The following AKAP6 variants were observed in gnomAD, a reference collection of about 807,000 sequenced individuals.
AKAP6 encodes A-kinase anchor protein 6.
Under a neutral mutation model 188.5 loss-of-function variants are expected in AKAP6, and 58 were observed. That is an observed-to-expected ratio of 0.31 (90% CI 0.25 to 0.38). AKAP6 has a LOEUF of 0.38. Among genes scored for constraint, AKAP6 ranks in the 10% least tolerant of loss-of-function variants. AKAP6 has a pLI of 1.00. For missense variants in AKAP6, 2,710 were observed against 2,740.0 expected (o/e 0.99, Z 0.24); for synonymous variants, 989 against 998.6 (o/e 0.99, Z 0.18).
chr14:32,786,487 A>T (rs2033424501), intron 12 of AKAP6, among the ~76,000 whole-genome samples: 11 of 102,668 alleles, frequency 1.1e-4, no homozygotes, highest in East Asian at 6.5e-4. Flanking sequence ...ATTTTATTTT[A>T]TTTTATTTTT....
Position 32,823,294 on chromosome 14 carries a change from C to T in AKAP6, c.5481C>T (p.Gly1827=), listed in dbSNP as rs1378906237. The T allele has an allele frequency of 6.2e-7, 1 of 1,613,674 alleles. No homozygotes were observed. The part of the protein sequence containing the change: ...KRCNVSDEMK[G]SKDISSSEMT... ...GCAATGTCAGTGATGAGATGAAGGGCAGTAAAGATATAAGTAGCAGTGAGA... is the reference window on the plus strand; with the variant it reads ...GCAATGTCAGTGATGAGATGAAGGGTAGTAAAGATATAAGTAGCAGTGAGA... The change falls in exon 13 of 14, where the codon GGC becomes GGT. Residue 1827 remains glycine (G), a synonymous_variant. Coordinates refer to ENST00000280979, the MANE Select transcript of AKAP6 (RefSeq NM_004274.5).
intron 4 of AKAP6, among the ~76,000 whole-genome samples, chr14:32,569,376 T>C (rs1884358376): frequency 6.6e-6 from 1 of 152,358 alleles, no homozygotes; most frequent in East Asian, 1.9e-4. Flanking sequence ...TATTTTCTCT[T>C]CAATCTTTGT....
chr14:32,568,238 TAGAG>T lies in AKAP6; in HGVS notation c.2347-8876_2347-8873del, dbSNP rs367792279. 4.6e-5 allele frequency among the ~76,000 whole-genome samples: 7 copies of T among 152,240 alleles called. No individual in the cohort carries two copies. The East Asian group carries it at 1.2e-3, about 25-fold the overall frequency. On this transcript the variant is annotated intron_variant, in intron 4 of 13. Transcript: ENST00000280979. This position sits in a 1 kb window ranked among gnomAD's most constrained non-coding sequence, Gnocchi z 6.2. ...TGGACTTTGTGGGAACAAATCTGGT[TAGAG>T]AGAGAATATAGCACAGTAGTCCAGA...
chr14:32,704,109 A>G (rs2139725135), intron 9 of AKAP6, among the ~76,000 whole-genome samples: 1 of 152,216 alleles, frequency 6.6e-6, no homozygotes, highest in East Asian at 1.9e-4. Context: ...TCAATATCTC[A>G]TTGTGCTGCT....
chr14:32,641,115 T>G (rs1037217378), intron 7 of AKAP6, among the ~76,000 whole-genome samples: 3 of 152,140 alleles, frequency 2.0e-5, no homozygotes, highest in Non-Finnish European at 2.9e-5. Flanking sequence ...TTGTGAATTT[T>G]TTTTTCACTG....
At chr14:32,514,239 T>C (rs1305111039) in intron 2 of AKAP6, among the ~76,000 whole-genome samples, 1 of 152,218 alleles carries the variant, frequency 6.6e-6, no homozygotes, top group Non-Finnish European at 1.5e-5. Flanking sequence ...CCTATGAGGC[T>C]TCATTTCCTG....
At chr14:32,807,075 T>C (rs1014196089) in intron 12 of AKAP6, among the ~76,000 whole-genome samples, 2 of 149,364 alleles carry the variant, frequency 1.3e-5, no homozygotes, top group East Asian at 2.0e-4. Flanking sequence ...GGGAAATATA[T>C]ATATATATAT....
intron 5 of AKAP6, among the ~76,000 whole-genome samples, chr14:32,596,528 T>G (rs1387409495): frequency 2.0e-5 from 3 of 152,190 alleles, no homozygotes; most frequent in Non-Finnish European, 4.4e-5. Flanking sequence ...GTCATTCATC[T>G]ACGTGCTGCT....
At chr14:32,616,515 T>C (rs1886588639) in intron 7 of AKAP6, among the ~76,000 whole-genome samples, 3 of 152,030 alleles carry the variant, frequency 2.0e-5, no homozygotes, top group Admixed American at 1.3e-4. Flanking sequence ...GAAAACTAAA[T>C]ATGTTCTCAC....
intron 7 of AKAP6, among the ~76,000 whole-genome samples, chr14:32,610,054 C>G (rs1299316455): frequency 6.6e-6 from 1 of 152,176 alleles, no homozygotes; most frequent in Non-Finnish European, 1.5e-5. Context: ...GCGGTTAGCA[C>G]TCACAACGGG....
chr14:32,752,761 A>G (rs750243773), intron 11 of AKAP6, among the ~76,000 whole-genome samples: 1 of 152,224 alleles, frequency 6.6e-6, no homozygotes, highest in South Asian at 2.1e-4. Context: ...AATTTTACAT[A>G]TAAATGAGAT....
intron 1 of AKAP6, among the ~76,000 whole-genome samples, chr14:32,381,083 TC>T (rs1888340555): frequency 6.6e-6 from 1 of 152,142 alleles, no homozygotes; most frequent in African/African-American, 2.4e-5. Flanking sequence ...ATGCCTGTAA[TC>T]CTAGCACTTT....
chr14:32,813,685 T>A (rs1027856115), intron 12 of AKAP6, among the ~76,000 whole-genome samples: 6 of 152,152 alleles, frequency 3.9e-5, no homozygotes, highest in Non-Finnish European at 8.8e-5. Context: ...ATAGCACTTA[T>A]GTGGGCAGCC....
intron 2 of AKAP6, 90 bp downstream of exon 2, chr14:32,433,907 T>A (rs1019669922): frequency 2.3e-6 from 3 of 1,294,152 alleles, no homozygotes; most frequent in Non-Finnish European, 3.2e-6. Context: ...CAGTGAGGAA[T>A]TGTCCAGGAA....
intron 1 of AKAP6, among the ~76,000 whole-genome samples, chr14:32,365,460 G>A (rs1050123586): frequency 9.2e-5 from 14 of 152,100 alleles, no homozygotes; most frequent in African/African-American, 3.4e-4. Flanking sequence ...CTTTGGAACC[G>A]ACCATATAAT....
intron 1 of AKAP6, among the ~76,000 whole-genome samples, chr14:32,363,343 C>T (rs958135136): frequency 2.0e-5 from 3 of 152,102 alleles, no homozygotes; most frequent in African/African-American, 7.2e-5. Flanking sequence ...TCAAATAGGA[C>T]AGATGTATAT....
Position 32,821,568 on chromosome 14 carries a change from G to T in AKAP6, c.3755G>T (p.Gly1252Val). 5 of 1,613,652 alleles carry T rather than the reference G, an allele frequency of 3.1e-6. No individual in the cohort carries two copies. The highest frequency in any genetic ancestry group is 4.2e-6 in the Non-Finnish European group (5 of 1,179,826). The change falls in exon 13 of 14, where the codon GGA becomes GTA. Residue 1252 changes from glycine (G) to valine (V), a missense_variant. Gly to Val is a moderately radical substitution (Grantham distance 109). This residue lies in a region of AKAP6 where 2,473 missense variants were observed against 2,426.1 expected (regional missense o/e 1.02). Transcript: ENST00000280979. ...CCTGTTATCCCTTCCTTGAAGCTTG[G>T]AGAGACAAGTAATGAGGACCCTGGT... The part of the protein sequence containing the change: ...LQPVIPSLKL[G>V]ETSNEDPGYD...
chr14:32,461,421 A>T (rs914916460), intron 2 of AKAP6, among the ~76,000 whole-genome samples: 1 of 152,210 alleles, frequency 6.6e-6, no homozygotes, highest in South Asian at 2.1e-4. Context: ...CCACTGTGAT[A>T]CACAGGTACA....
intron 5 of AKAP6, among the ~76,000 whole-genome samples, chr14:32,589,080 A>T (rs549075666): frequency 3.5e-4 from 53 of 152,248 alleles, no homozygotes; most frequent in Non-Finnish European, 3.7e-4. Flanking sequence ...CTCCATAGGC[A>T]GCCAAGGCCC....
Sources: gnomAD v4.1 joint callset for allele counts (sites outside exome capture counted in the v4.1 genomes callset) on GRCh38, gnomAD v4.1.1 for gene constraint, gnomAD v4.1.1 regional missense constraint, Gnocchi (gnomAD v3.1) non-coding constraint, MANE v1.5 for transcripts, NCBI Gene and HGNC (gene_info 2026-07-23, HGNC 2026-07-21) for gene names.